The following DLGAP1 variants were observed in gnomAD, a reference collection of about 807,000 sequenced individuals.
The protein encoded by DLGAP1 is disks large-associated protein 1.
DLGAP1 carries 11 observed loss-of-function variants against 90.8 expected under a neutral mutation model. That is an observed-to-expected ratio of 0.12 (90% CI 0.08 to 0.20). The LOEUF (loss-of-function observed/expected upper bound fraction) is 0.20. Ranked by LOEUF, DLGAP1 falls within the 10% of genes least tolerant of loss-of-function variation. DLGAP1 has a pLI of 1.00. For missense variants in DLGAP1, 1,050 were observed against 1,333.8 expected, an observed-to-expected ratio of 0.79 and a Z score of 3.31; for synonymous variants, 558 against 540.7, an observed-to-expected ratio of 1.03 and a Z score of -0.44.
At chr18:4,235,875 G>A (rs970307079) in intron 1 of DLGAP1, among the ~76,000 whole-genome samples, 4 of 151,828 alleles carry the variant, frequency 2.6e-5, no homozygotes, top group Admixed American at 1.3e-4. Context: ...GCAGGCATGC[G>A]CCACCATGCC....
chr18:3,861,382 A>G (rs1318762186), intron 4 of DLGAP1, among the ~76,000 whole-genome samples: 4 of 152,256 alleles, frequency 2.6e-5, no homozygotes, highest in Non-Finnish European at 4.4e-5. Context: ...GAAAAAGCAT[A>G]TAATTTTTTA....
intron 7 of DLGAP1, among the ~76,000 whole-genome samples, chr18:3,601,592 C>G (rs968686951): frequency 9.9e-5 from 15 of 151,902 alleles, no homozygotes. Context: ...CCTATAATCC[C>G]AGCACTTTGG....
rs1180069166 is a variant in DLGAP1, at chr18:3,526,012, T to G, written c.2479+8182A>C. Reference sequence around the variant, plus strand: ...TGGAGCATTCTCAAGGTTAAACATATGGCACATTACAGCCGATTTCCTTTT... The same window carrying G: ...TGGAGCATTCTCAAGGTTAAACATAGGGCACATTACAGCCGATTTCCTTTT... On this transcript the variant is annotated intron_variant, in intron 10 of 12. Coordinates refer to ENST00000315677, the MANE Select transcript of DLGAP1 (RefSeq NM_004746.4). The surrounding 1 kb of genome is among the most constrained non-coding windows in gnomAD (Gnocchi z 4.7). Among the ~76,000 whole-genome samples the G allele has an allele frequency of 8.5e-5, 13 of 152,198 alleles. No homozygotes were observed. The highest frequency in any genetic ancestry group is 3.1e-4 in the African/African-American group (13 of 41,448).
At chr18:3,952,549 C>T (rs748834323) in intron 3 of DLGAP1, among the ~76,000 whole-genome samples, 49 of 152,232 alleles carry the variant, frequency 3.2e-4, no homozygotes, top group Non-Finnish European at 1.6e-4. Context: ...CCTGTAGCCT[C>T]AGCCCCACTT....
chr18:4,181,837 G>A lies in DLGAP1; in HGVS notation c.-266-30550C>T, dbSNP rs759014786. The stretch of plus-strand genomic sequence containing the variant: ...TGCTCCAAAAAAAGAAATTAGGGGA[G>A]CCCTTACTGAGAAAGTAATAGCAGT... On this transcript the variant is annotated intron_variant, in intron 1 of 12. Transcript: ENST00000315677. Among the ~76,000 whole-genome samples, 3 of 152,064 alleles carry A rather than the reference G, an allele frequency of 2.0e-5. No homozygotes were observed. In the South Asian group the frequency reaches 6.2e-4, roughly 32 times the overall value.
In DLGAP1 at chr18:3,572,436, A is replaced by ATTTGTTTGTTTG. The variant is rs146464414; in HGVS notation, c.1966-4867_1966-4856dup. 3.9e-3 allele frequency among the ~76,000 whole-genome samples: 580 copies of ATTTGTTTGTTTG among 149,628 alleles called. 5 individuals carry two copies. The highest frequency in any genetic ancestry group is 0.012 in the East Asian group (58 of 5,008). ...TTAGATTGGTTTCTTTTATTTATTT[A>ATTTGTTTGTTTG]TTTGTTTGTTTGTTTGTTTGTTTGT... On this transcript the variant is annotated intron_variant, in intron 8 of 12. Coordinates refer to ENST00000315677, the MANE Select transcript of DLGAP1 (RefSeq NM_004746.4).
chr18:3,888,848 T>C (rs1030666825), intron 3 of DLGAP1, among the ~76,000 whole-genome samples: 1 of 152,230 alleles, frequency 6.6e-6, no homozygotes, highest in African/African-American at 2.4e-5. Context: ...AGAGTTCAAA[T>C]ATGCCTGTGC....
At chr18:4,296,176 T>A (rs1466816630) in intron 1 of DLGAP1, among the ~76,000 whole-genome samples, 3 of 152,168 alleles carry the variant, frequency 2.0e-5, no homozygotes, top group African/African-American at 7.2e-5. Flanking sequence ...TTAATTTTGT[T>A]AGAACTTGCC....
chr18:3,645,169 G>A (rs953462316), intron 7 of DLGAP1, among the ~76,000 whole-genome samples: 7 of 152,056 alleles, frequency 4.6e-5, no homozygotes, highest in African/African-American at 1.7e-4. Context: ...AGGAATCACA[G>A]CTCACTGCAG....
chr18:4,194,305 C>A (rs554826384), intron 1 of DLGAP1, among the ~76,000 whole-genome samples: 1 of 152,264 alleles, frequency 6.6e-6, no homozygotes, highest in Admixed American at 6.5e-5. Flanking sequence ...ATGTTGGCCT[C>A]ATTTTCCTAA....
intron 9 of DLGAP1, among the ~76,000 whole-genome samples, chr18:3,544,663 T>C (rs934490926): frequency 2.0e-5 from 3 of 151,978 alleles, no homozygotes; most frequent in Admixed American, 6.6e-5. Flanking sequence ...GGCCAAAATA[T>C]TGTCTATCTT....
At chr18:3,919,122 A>G (rs2072211867) in intron 3 of DLGAP1, among the ~76,000 whole-genome samples, 2 of 152,236 alleles carry the variant, frequency 1.3e-5, no homozygotes, top group South Asian at 4.1e-4. Flanking sequence ...GATTGGTCAA[A>G]TGGCTTTGAC....
At chr18:4,171,717 T>C (rs2077029720) in intron 1 of DLGAP1, among the ~76,000 whole-genome samples, 1 of 152,214 alleles carries the variant, frequency 6.6e-6, no homozygotes, top group African/African-American at 2.4e-5. Context: ...AATTCACTCA[T>C]AAACCTAGCT....
chr18:3,531,347 G>T (rs1214034919), intron 10 of DLGAP1, among the ~76,000 whole-genome samples: 1 of 152,070 alleles, frequency 6.6e-6, no homozygotes, highest in African/African-American at 2.4e-5. Flanking sequence ...TGAGGCAGGA[G>T]AATCACTTGA....
intron 8 of DLGAP1, among the ~76,000 whole-genome samples, chr18:3,569,685 A>G (rs534329028): frequency 6.6e-6 from 1 of 152,014 alleles, no homozygotes; most frequent in Non-Finnish European, 1.5e-5. Flanking sequence ...CTAGAGATCT[A>G]CTATTACCCT....
chr18:4,405,443 C>G (rs2082642279), intron 1 of DLGAP1, among the ~76,000 whole-genome samples: 1 of 152,126 alleles, frequency 6.6e-6, no homozygotes. Flanking sequence ...AAACATATTT[C>G]CTTAACTCCA....
intron 7 of DLGAP1, among the ~76,000 whole-genome samples, chr18:3,613,190 T>C (rs2057711846): frequency 6.6e-6 from 1 of 152,114 alleles, no homozygotes; most frequent in Non-Finnish European, 1.5e-5. Context: ...AGGAAGTAGG[T>C]TTTTGAAGAC....
At chr18:3,939,349 G>C (rs562614412) in intron 3 of DLGAP1, among the ~76,000 whole-genome samples, 1 of 147,032 alleles carries the variant, frequency 6.8e-6, no homozygotes, top group Admixed American at 6.8e-5. Context: ...CCTGGAAGGT[G>C]GAGGTTGTAG....
At chr18:4,345,003 G>A (rs576415348) in intron 1 of DLGAP1, among the ~76,000 whole-genome samples, 46 of 152,252 alleles carry the variant, frequency 3.0e-4, no homozygotes, top group African/African-American at 1.1e-3. Context: ...CAGAGATACT[G>A]ACTCATTCTT....
Sources: allele counts gnomAD v4.1 joint callset (sites outside exome capture counted in the v4.1 genomes callset), GRCh38; gene constraint gnomAD v4.1.1; non-coding constraint Gnocchi (gnomAD v3.1); transcripts MANE v1.5; gene names NCBI Gene and HGNC (gene_info 2026-07-23, HGNC 2026-07-21).